TMEFF2: variants seen among roughly 807,000 people sequenced by gnomAD.
TMEFF2 encodes the protein transmembrane protein with EGF like and two follistatin like domains 2, also known as tomoregulin-2.
Under a neutral mutation model 53.8 loss-of-function variants are expected in TMEFF2, and 28 were observed. The ratio of observed to expected loss-of-function variants is 0.52; its 90% CI spans 0.39 to 0.71. TMEFF2 has a LOEUF of 0.71. Among genes scored for constraint, TMEFF2 ranks in the 30% least tolerant of loss-of-function variants. TMEFF2 has a pLI of 0.00. For synonymous variants in TMEFF2, 162 were observed against 166.3 expected, an observed-to-expected ratio of 0.97 and a Z score of 0.20; for missense variants, 353 against 455.2, an observed-to-expected ratio of 0.78 and a Z score of 2.04.
chr2:191,989,725 C>A (rs959225491), intron 7 of TMEFF2, among the ~76,000 whole-genome samples: 1 of 152,230 alleles, frequency 6.6e-6, no homozygotes, highest in East Asian at 1.9e-4. Context: ...ATCCATCTTG[C>A]ACCAAATCAT....
At chr2:192,165,207 A>G (rs75203301) in intron 4 of TMEFF2, among the ~76,000 whole-genome samples, 1,952 of 152,324 alleles carry the variant, frequency 0.013, 26 homozygotes, top group Middle Eastern at 0.024. Flanking sequence ...TTGACTTTAA[A>G]AAATAACAGA....
intron 5 of TMEFF2, among the ~76,000 whole-genome samples, chr2:192,016,010 T>G (rs1034513187): frequency 6.6e-6 from 1 of 152,210 alleles, no homozygotes; most frequent in African/African-American, 2.4e-5. Context: ...TGTACAGAGA[T>G]GTATCAATAT....
chr2:192,038,981 T>C (rs994604536), intron 5 of TMEFF2, among the ~76,000 whole-genome samples: 3 of 152,190 alleles, frequency 2.0e-5, no homozygotes, highest in Non-Finnish European at 4.4e-5. Flanking sequence ...TGCAAGCCTA[T>C]GGCCCTCATG....
At chr2:192,086,707 A>G (rs1479305031) in intron 4 of TMEFF2, among the ~76,000 whole-genome samples, 1 of 152,158 alleles carries the variant, frequency 6.6e-6, no homozygotes, top group African/African-American at 2.4e-5. Context: ...CCAGGGGACA[A>G]GCAACCTTAA....
chr2:192,098,267 C>T (rs1381280834), intron 4 of TMEFF2, among the ~76,000 whole-genome samples: 1 of 152,096 alleles, frequency 6.6e-6, no homozygotes, highest in East Asian at 1.9e-4. Context: ...TTGAATGAAA[C>T]CTTGACCTCC....
At chr2:192,172,789 G>T (rs1443631663) in intron 4 of TMEFF2, among the ~76,000 whole-genome samples, 2 of 151,900 alleles carry the variant, frequency 1.3e-5, no homozygotes, top group Non-Finnish European at 2.9e-5. Context: ...TCATCGGACT[G>T]CTGGTAGAAT....
At chr2:192,047,377 G>T (rs981010663) in intron 5 of TMEFF2, among the ~76,000 whole-genome samples, 1 of 152,050 alleles carries the variant, frequency 6.6e-6, no homozygotes, top group African/African-American at 2.4e-5. Flanking sequence ...AGCCCTTATG[G>T]CTTGTTAGAA....
At chr2:192,078,935 A>G (rs957905025) in intron 4 of TMEFF2, among the ~76,000 whole-genome samples, 2 of 152,176 alleles carry the variant, frequency 1.3e-5, no homozygotes, top group African/African-American at 4.8e-5. Context: ...ATATATGCAT[A>G]TTGTGCCAAC....
At position 191,958,545 on chromosome 2, in the gene TMEFF2, T is replaced by C. The variant is rs368390758; in HGVS notation, c.746-2167A>G. Among the ~76,000 whole-genome samples, 49 of 152,352 alleles carry C rather than the reference T, an allele frequency of 3.2e-4. 1 individual carries two copies. In the East Asian group the frequency reaches 3.8e-3, roughly 12 times the overall value. On this transcript the variant is annotated intron_variant, in intron 7 of 9. Transcript: ENST00000272771. ...CCATACTGACAGTTTGTTTCTGGATTCGTGCCATATTCACAATTATGAACT... is the reference window on the plus strand; with the variant it reads ...CCATACTGACAGTTTGTTTCTGGATCCGTGCCATATTCACAATTATGAACT...
intron 5 of TMEFF2, among the ~76,000 whole-genome samples, chr2:192,020,660 A>T (rs1446426072): frequency 6.6e-6 from 1 of 152,100 alleles, no homozygotes; most frequent in Non-Finnish European, 1.5e-5. Flanking sequence ...GTTATTTTCA[A>T]AAAGTGTTAT....
chr2:192,006,874 G>A (rs1230020031), intron 5 of TMEFF2, among the ~76,000 whole-genome samples: 3 of 152,176 alleles, frequency 2.0e-5, no homozygotes, highest in Admixed American at 6.5e-5. Context: ...TGATTCTGAT[G>A]TGCAGACATG....
At chr2:192,013,036 C>A (rs559793062) in intron 5 of TMEFF2, among the ~76,000 whole-genome samples, 17 of 152,172 alleles carry the variant, frequency 1.1e-4, no homozygotes, top group Non-Finnish European at 2.5e-4. Flanking sequence ...TTTCTACTTG[C>A]CTTTCCTCAA....
intron 7 of TMEFF2, among the ~76,000 whole-genome samples, chr2:191,982,102 A>G (rs969601969): frequency 2.0e-5 from 3 of 146,828 alleles, no homozygotes; most frequent in African/African-American, 7.6e-5. Flanking sequence ...CTGAAGAGAC[A>G]CTCTGAATTT....
intron 4 of TMEFF2, among the ~76,000 whole-genome samples, chr2:192,128,882 G>T (rs114809311): frequency 6.7e-6 from 1 of 148,476 alleles, no homozygotes; most frequent in African/African-American, 2.6e-5. Flanking sequence ...GTGCTGCAGC[G>T]GCGCATTTTG....
chr2:192,048,479 T>A (rs1267758804), intron 5 of TMEFF2, among the ~76,000 whole-genome samples: 4 of 152,028 alleles, frequency 2.6e-5, no homozygotes, highest in South Asian at 2.1e-4. Context: ...TATTTTTTTT[T>A]AAATCACTAT....
intron 4 of TMEFF2, among the ~76,000 whole-genome samples, chr2:192,110,499 C>G (rs1689248294): frequency 6.6e-6 from 1 of 152,122 alleles, no homozygotes; most frequent in Non-Finnish European, 1.5e-5. Context: ...TAATTTTATT[C>G]TTTTCTGTCT....
At chr2:191,978,754 C>G (rs1685790094) in intron 7 of TMEFF2, among the ~76,000 whole-genome samples, 1 of 152,166 alleles carries the variant, frequency 6.6e-6, no homozygotes, top group Non-Finnish European at 1.5e-5. Flanking sequence ...TCAGCTCTTC[C>G]TGGTAGGGAA....
chr2:191,994,874 T>A (rs531659368), intron 7 of TMEFF2, among the ~76,000 whole-genome samples: 1 of 151,996 alleles, frequency 6.6e-6, no homozygotes, highest in South Asian at 2.1e-4. Flanking sequence ...AATGAAGAGA[T>A]CCAAAGCCCT....
Position 191,949,067 on chromosome 2 carries a change from T to G in TMEFF2, c.*1244A>C, listed in dbSNP as rs1004725737. On this transcript the variant is annotated 3_prime_UTR_variant, in exon 10 of 10. Transcript: ENST00000272771. ...GTTATTTGAAGGAGACAAAGAGAGCTTTATTTAAATTTACTGTGTTAGCCA... is the reference window on the plus strand; with the variant it reads ...GTTATTTGAAGGAGACAAAGAGAGCGTTATTTAAATTTACTGTGTTAGCCA... 4.1e-6 allele frequency: 4 copies of G among 984,950 alleles called. No homozygotes were observed. In the African/African-American group the frequency reaches 7.0e-5, roughly 17 times the overall value. The allele number at this position is 984,950 out of a possible 1,614,324, so 61.0% of individuals were successfully genotyped here.
Sources: allele counts gnomAD v4.1 joint callset (sites outside exome capture counted in the v4.1 genomes callset), GRCh38; gene constraint gnomAD v4.1.1; transcripts MANE v1.5; gene names NCBI Gene and HGNC (gene_info 2026-07-23, HGNC 2026-07-21).